Variants in PTPRE observed in about 807,000 individuals in gnomAD.
PTPRE encodes protein tyrosine phosphatase receptor type E, also known as receptor-type tyrosine-protein phosphatase epsilon.
PTPRE carries 51 observed loss-of-function variants against 102.0 expected under a neutral mutation model. The observed-to-expected ratio is 0.50, with a 90% confidence interval of 0.40 to 0.63. The LOEUF (loss-of-function observed/expected upper bound fraction) is 0.63. PTPRE is among the 30% of genes least tolerant of loss of function. PTPRE has a pLI of 0.00. For synonymous variants in PTPRE, 345 were observed against 348.2 expected (o/e 0.99, Z 0.10); for missense variants, 752 against 915.1 (o/e 0.82, Z 2.30).
intron 1 of PTPRE, among the ~76,000 whole-genome samples, chr10:127,924,715 G>A (rs748604070): frequency 1.3e-5 from 2 of 152,174 alleles, no homozygotes; most frequent in Non-Finnish European, 2.9e-5. Flanking sequence ...TGTTCAATAA[G>A]GTCCCACTGG....
chr10:127,960,230 G>A (rs1300053648), intron 1 of PTPRE, among the ~76,000 whole-genome samples: 1 of 152,126 alleles, frequency 6.6e-6, no homozygotes, highest in African/African-American at 2.4e-5. Context: ...GAGGCTGGCT[G>A]TGTGTGTGAC....
Position 128,049,595 on chromosome 10 carries a change from G to T in PTPRE, c.349G>T (p.Val117Leu). The change falls in exon 6 of 21, where the codon GTG becomes TTG. Residue 117 changes from valine to leucine, a missense_variant. Transcript: ENST00000254667. ...SGPKKYFPIP[V>L]EHLEEEIRIR... ...GCCCAAGAAGTATTTTCCCATCCCC[G>T]TGGAGCACCTGGAGGAGGAGATCCG... 1 of 1,613,996 alleles carries T rather than the reference G, an allele frequency of 6.2e-7. No homozygotes were observed. The highest frequency in any genetic ancestry group is 8.5e-7 in the Non-Finnish European group (1 of 1,180,004).
chr10:128,049,584 T>A lies in PTPRE; in HGVS notation c.338T>A (p.Phe113Tyr). Residue 113 changes from phenylalanine to tyrosine, a missense_variant, in exon 6 of 21, where the codon TTT becomes TAT. By Grantham distance (22) the Phe-to-Tyr change is conservative. Around this residue, in one of 2 missense-constraint regions of PTPRE, gnomAD observed 636 missense variants for 824.4 expected, o/e 0.77. Transcript: ENST00000254667. ...TCACCCTCAGGGCCCAAGAAGTATT[T>A]TCCCATCCCCGTGGAGCACCTGGAG... ...SRSPSGPKKY[F>Y]PIPVEHLEEE... The A allele has an allele frequency of 6.2e-7, 1 of 1,613,724 alleles. No homozygotes were observed. The highest frequency in any genetic ancestry group is 1.3e-5 in the African/African-American group (1 of 74,988).
intron 11 of PTPRE, among the ~76,000 whole-genome samples, chr10:128,067,761 C>G (rs1850394290): frequency 1.3e-5 from 2 of 152,218 alleles, no homozygotes. Flanking sequence ...TTGGTGATTA[C>G]TCAGCACCAC....
At chr10:128,044,939 T>C (rs1325435363) in intron 3 of PTPRE, among the ~76,000 whole-genome samples, 1 of 152,238 alleles carries the variant, frequency 6.6e-6, no homozygotes, top group Admixed American at 6.5e-5. Context: ...TTTAGGAAAG[T>C]GGGAAGAACT....
intron 2 of PTPRE, among the ~76,000 whole-genome samples, chr10:128,014,375 A>T (rs141512001): frequency 6.6e-6 from 1 of 152,250 alleles, no homozygotes; most frequent in African/African-American, 2.4e-5. Context: ...TGTTTGGCCC[A>T]ATTAACATTC....
chr10:127,946,078 T>C (rs1374274493), intron 1 of PTPRE, among the ~76,000 whole-genome samples: 1 of 151,934 alleles, frequency 6.6e-6, no homozygotes, highest in Non-Finnish European at 1.5e-5. Context: ...CAGCAGAGCA[T>C]AGGAGGTGGC....
Position 128,073,326 on chromosome 10 carries a change from T to G in PTPRE, c.1465-11T>G. 2 of 1,613,842 alleles carry G rather than the reference T, an allele frequency of 1.2e-6. No individual in the cohort carries two copies. On this transcript the variant is annotated splice_polypyrimidine_tract_variant and intron_variant, in intron 16 of 20. Transcript: ENST00000254667. ...GAAGTCAGACTCTAACCTCTGCGCC[T>G]CCATTTGAAGGGCTACCGACAGAAG...
intron 7 of PTPRE, among the ~76,000 whole-genome samples, chr10:128,059,097 C>T (rs572279879): frequency 4.6e-5 from 7 of 152,324 alleles, no homozygotes; most frequent in African/African-American, 1.7e-4. Context: ...CTCTTAGAAA[C>T]TGCAAGATTC....
At chr10:128,067,362 GTGCACACA>G (rs1368308825) in intron 11 of PTPRE, among the ~76,000 whole-genome samples, 3 of 128,672 alleles carry the variant, frequency 2.3e-5, no homozygotes, top group Middle Eastern at 4.4e-3. Flanking sequence ...ACACGCACAC[GTGCACACA>G]TGCACACATT....
chr10:128,080,811 T>A (rs1851643836), intron 20 of PTPRE, among the ~76,000 whole-genome samples: 1 of 152,206 alleles, frequency 6.6e-6, no homozygotes, highest in Non-Finnish European at 1.5e-5. Context: ...TCTAGTCCAA[T>A]GCCTGGCCCG....
intron 7 of PTPRE, among the ~76,000 whole-genome samples, chr10:128,056,449 G>A (rs954554946): frequency 6.6e-6 from 1 of 152,198 alleles, no homozygotes; most frequent in Admixed American, 6.5e-5. Context: ...TATGCTTACT[G>A]TTGGGACCTG....
chr10:127,990,311 C>A (rs1448320278), intron 2 of PTPRE, among the ~76,000 whole-genome samples: 1 of 146,052 alleles, frequency 6.8e-6, no homozygotes, highest in African/African-American at 2.6e-5. Flanking sequence ...ACTCAGGAGG[C>A]AGAGGCAGGA....
intron 2 of PTPRE, among the ~76,000 whole-genome samples, chr10:128,022,882 T>G (rs1846019115): frequency 1.3e-5 from 2 of 152,220 alleles, no homozygotes; most frequent in African/African-American, 4.8e-5. Flanking sequence ...AAAGTCACCC[T>G]TGGAATTGTA....
chr10:127,983,890 C>T (rs889191423), intron 2 of PTPRE, among the ~76,000 whole-genome samples: 2 of 152,114 alleles, frequency 1.3e-5, no homozygotes, highest in African/African-American at 2.4e-5. Context: ...CTCCACCTCC[C>T]GGCCTTGTCT....
rs556862299 is a variant in PTPRE, at chr10:128,081,571, CAGTCAATGTTGCTTTAAGTTGGAAA to C, written c.2029-1242_2029-1218del. Among the ~76,000 whole-genome samples the C allele has an allele frequency of 7.0e-4, 106 of 152,328 alleles. No homozygotes were observed. In the East Asian group the frequency reaches 0.011, roughly 16 times the overall value. Reference sequence around the variant, plus strand: ...CCCAGACTGAGCCAGCTTTGATATTCAGTCAATGTTGCTTTAAGTTGGAAAAGTCAATGTTGCTTTAAGCTGTTTG... The same window carrying C: ...CCCAGACTGAGCCAGCTTTGATATTCAGTCAATGTTGCTTTAAGCTGTTTG... On this transcript the variant is annotated intron_variant, in intron 20 of 20. Transcript: ENST00000254667.
intron 1 of PTPRE, among the ~76,000 whole-genome samples, chr10:127,963,348 C>T (rs923675550): frequency 2.0e-5 from 3 of 152,194 alleles, no homozygotes; most frequent in South Asian, 2.1e-4. Context: ...AGGATGCCTT[C>T]CCTGACTGCT....
chr10:127,921,784 G>A (rs1846627298), intron 1 of PTPRE, among the ~76,000 whole-genome samples: 1 of 152,358 alleles, frequency 6.6e-6, no homozygotes, highest in Non-Finnish European at 1.5e-5. Context: ...AATTCCAAGT[G>A]TGGCCAGGGT....
At chr10:128,012,953 G>T (rs1375028486) in intron 2 of PTPRE, among the ~76,000 whole-genome samples, 3 of 152,264 alleles carry the variant, frequency 2.0e-5, no homozygotes, top group African/African-American at 7.2e-5. Context: ...TTCTATTACT[G>T]GCTCTTGGTC....
Sources: gnomAD v4.1 joint callset for allele counts (sites outside exome capture counted in the v4.1 genomes callset) on GRCh38, gnomAD v4.1.1 for gene constraint, gnomAD v4.1.1 regional missense constraint, MANE v1.5 for transcripts, NCBI Gene and HGNC (gene_info 2026-07-23, HGNC 2026-07-21) for gene names.